The following SGCZ variants were observed in gnomAD, a reference collection of about 807,000 sequenced individuals.
SGCZ encodes sarcoglycan zeta.
A neutral mutation model predicts 41.3 loss-of-function variants in SGCZ; 40 were observed. The observed-to-expected ratio is 0.97, with a 90% CI of 0.75 to 1.26. The LOEUF (loss-of-function observed/expected upper bound fraction) is 1.26. Among genes scored for constraint, SGCZ ranks in the 50% most tolerant of loss-of-function variants. The pLI is 0.00. For missense variants in SGCZ, 552 were observed against 369.8 expected, an observed-to-expected ratio of 1.49 and a Z score of -4.04; for synonymous variants, 206 against 137.5, an observed-to-expected ratio of 1.50 and a Z score of -3.49.
chr8:15,096,324 G>A (rs1806345148), intron 1 of SGCZ, among the ~76,000 whole-genome samples: 1 of 151,784 alleles, frequency 6.6e-6, no homozygotes, highest in South Asian at 2.1e-4. Context: ...CTGACCTCAA[G>A]TGATCCACCT....
At chr8:14,739,482 G>T (rs1799138000) in intron 1 of SGCZ, among the ~76,000 whole-genome samples, 2 of 151,918 alleles carry the variant, frequency 1.3e-5, no homozygotes, top group Admixed American at 6.6e-5. Context: ...TACCATTTTG[G>T]AATATAGAGT....
chr8:15,162,025 G>A (rs375929513), intron 1 of SGCZ, among the ~76,000 whole-genome samples: 1 of 152,120 alleles, frequency 6.6e-6, no homozygotes, highest in Admixed American at 6.5e-5. Flanking sequence ...CGTGAAAAGA[G>A]GCAAACTGCC....
At chr8:14,326,061 G>C (rs1164695340) in intron 2 of SGCZ, among the ~76,000 whole-genome samples, 1 of 118,982 alleles carries the variant, frequency 8.4e-6, no homozygotes, top group Admixed American at 1.2e-4. Flanking sequence ...CAAATGAGCC[G>C]AGATCGCTCC....
chr8:14,311,092 A>T (rs559010715), intron 3 of SGCZ, among the ~76,000 whole-genome samples: 33 of 152,224 alleles, frequency 2.2e-4, no homozygotes, highest in African/African-American at 7.7e-4. Flanking sequence ...TTTTCTTACA[A>T]ACATCAAGTG....
Position 14,678,515 on chromosome 8 carries a change from A to G in SGCZ, c.40-123589T>C, listed in dbSNP as rs531481404. Among the ~76,000 whole-genome samples, 3 of 152,316 alleles carry G rather than the reference A, an allele frequency of 2.0e-5. No homozygotes were observed. In the South Asian group the frequency reaches 6.2e-4, roughly 32 times the overall value. On this transcript the variant is annotated intron_variant, in intron 1 of 7. Transcript: ENST00000382080. ...CACTAAGAACTTATTAAAATTGCCA[A>G]AACCATAATATTGACAACACCAAAT...
chr8:14,177,611 G>A (rs1563168482), intron 4 of SGCZ, among the ~76,000 whole-genome samples: 1 of 151,776 alleles, frequency 6.6e-6, no homozygotes, highest in Non-Finnish European at 1.5e-5. Flanking sequence ...CCGGGTTCAT[G>A]CCATTCTCCT....
intron 1 of SGCZ, among the ~76,000 whole-genome samples, chr8:15,029,099 T>C (rs1021700713): frequency 6.6e-6 from 1 of 152,108 alleles, no homozygotes; most frequent in Non-Finnish European, 1.5e-5. Context: ...AGTTATTTCA[T>C]GGAACGAATC....
At chr8:14,269,665 T>G (rs545730460) in intron 3 of SGCZ, among the ~76,000 whole-genome samples, 3 of 152,202 alleles carry the variant, frequency 2.0e-5, no homozygotes, top group Non-Finnish European at 2.9e-5. Flanking sequence ...TGGAGAGTTC[T>G]TTAAGTCAAA....
chr8:14,392,283 A>G (rs2117220536), intron 2 of SGCZ, among the ~76,000 whole-genome samples: 1 of 152,264 alleles, frequency 6.6e-6, no homozygotes. Context: ...ATTTTTTCTC[A>G]TATTGTAGCT....
intron 1 of SGCZ, among the ~76,000 whole-genome samples, chr8:15,136,837 T>A (rs138043532): frequency 5.6e-4 from 85 of 152,216 alleles, no homozygotes; most frequent in African/African-American, 1.9e-3. Flanking sequence ...AACGCAATAA[T>A]CCAGTAAATT....
At chr8:15,144,690 A>C (rs536529610) in intron 1 of SGCZ, among the ~76,000 whole-genome samples, 3 of 152,300 alleles carry the variant, frequency 2.0e-5, no homozygotes, top group Admixed American at 2.0e-4. Context: ...TCCCGACCTC[A>C]GGTGGTCTGC....
chr8:14,255,678 T>C (rs1208499420), intron 3 of SGCZ, among the ~76,000 whole-genome samples: 2 of 152,134 alleles, frequency 1.3e-5, no homozygotes, highest in Non-Finnish European at 2.9e-5. Flanking sequence ...TAGTTCACTG[T>C]CTTTGGATGA....
intron 1 of SGCZ, among the ~76,000 whole-genome samples, chr8:15,133,652 CTCTTA>C (rs1203468278): frequency 1.3e-5 from 2 of 152,150 alleles, no homozygotes; most frequent in African/African-American, 4.8e-5. Context: ...GTCTTTTACT[CTCTTA>C]TGTTTACTTA....
At chr8:14,179,280 T>A (rs1267341789) in intron 4 of SGCZ, among the ~76,000 whole-genome samples, 1 of 152,232 alleles carries the variant, frequency 6.6e-6, no homozygotes, top group Non-Finnish European at 1.5e-5. Flanking sequence ...CCCCTGTACA[T>A]GCAGCCGTAT....
At chr8:14,621,540 T>C (rs1255349311) in intron 1 of SGCZ, among the ~76,000 whole-genome samples, 4 of 152,098 alleles carry the variant, frequency 2.6e-5, no homozygotes, top group Non-Finnish European at 4.4e-5. Context: ...ATAGGTTTAA[T>C]TGACTCCCAG....
At chr8:14,173,497 C>T (rs1012102549) in intron 4 of SGCZ, among the ~76,000 whole-genome samples, 9 of 151,944 alleles carry the variant, frequency 5.9e-5, no homozygotes, top group South Asian at 4.1e-4. Context: ...ACTAAATTCG[C>T]GTATTATAAT....
At chr8:14,772,505 G>A (rs1460744510) in intron 1 of SGCZ, among the ~76,000 whole-genome samples, 3 of 149,568 alleles carry the variant, frequency 2.0e-5, no homozygotes, top group African/African-American at 7.4e-5. Flanking sequence ...GTATACATGT[G>A]CCATGCTGCT....
chr8:14,683,521 A>G (rs776984094), intron 1 of SGCZ, among the ~76,000 whole-genome samples: 4 of 152,192 alleles, frequency 2.6e-5, no homozygotes, highest in Non-Finnish European at 5.9e-5. Flanking sequence ...CACACAATGT[A>G]AATAACTTCT....
intron 4 of SGCZ, among the ~76,000 whole-genome samples, chr8:14,171,401 C>A (rs1804377573): frequency 1.3e-5 from 2 of 151,916 alleles, no homozygotes; most frequent in African/African-American, 4.8e-5. Context: ...TTTTATGCAT[C>A]TTTCCTCTAA....
Sources: gnomAD v4.1 joint callset for allele counts (sites outside exome capture counted in the v4.1 genomes callset) on GRCh38, gnomAD v4.1.1 for gene constraint, MANE v1.5 for transcripts, NCBI Gene and HGNC (gene_info 2026-07-23, HGNC 2026-07-21) for gene names.